Variants in GRIK4 observed in about 807,000 individuals in gnomAD.
The protein encoded by GRIK4 is glutamate receptor ionotropic, kainate 4.
Under a neutral mutation model 104.9 loss-of-function variants are expected in GRIK4, and 40 were observed. The observed-to-expected ratio is 0.38, with a 90% confidence interval of 0.30 to 0.50. GRIK4 has a LOEUF of 0.50. Ranked by LOEUF, GRIK4 falls within the 20% of genes least tolerant of loss-of-function variation. The probability of loss-of-function intolerance (pLI) is 0.93; values close to 1 mark genes in which losing one functional copy is unlikely to be tolerated. For missense variants in GRIK4, 1,047 were observed against 1,308.1 expected (o/e 0.80, Z 3.08); for synonymous variants, 485 against 524.9 (o/e 0.92, Z 1.04).
In GRIK4 at chr11:120,903,643, G is replaced by A. The variant is rs775288223; in HGVS notation, c.1273-1647G>A. Among the ~76,000 whole-genome samples the A allele has an allele frequency of 3.3e-5, 5 of 152,062 alleles. No individual in the cohort carries two copies. Among genetic ancestry groups the A allele is most frequent in the African/African-American group, 7.2e-5 (3 of 41,398 alleles). On this transcript the variant is annotated intron_variant, in intron 12 of 20. Coordinates refer to ENST00000527524, the MANE Select transcript of GRIK4 (RefSeq NM_014619.5). The surrounding 1 kb of genome is among the most constrained non-coding windows in gnomAD (Gnocchi z 4.4). ...GCTGCCCTTCAAGCTGCCCTCCAACGTAGGGAGTCACAGAATCACAGAATT... is the reference window on the plus strand; with the variant it reads ...GCTGCCCTTCAAGCTGCCCTCCAACATAGGGAGTCACAGAATCACAGAATT...
intron 3 of GRIK4, among the ~76,000 whole-genome samples, chr11:120,777,817 A>G (rs1214337690): frequency 6.6e-6 from 1 of 152,046 alleles, no homozygotes; most frequent in Non-Finnish European, 1.5e-5. Flanking sequence ...CGCATCTGTA[A>G]TCCCAGCTAT....
chr11:120,947,200 G>A (rs1267486703), intron 14 of GRIK4, among the ~76,000 whole-genome samples: 1 of 152,106 alleles, frequency 6.6e-6, no homozygotes. Context: ...TCAAGTGTTC[G>A]AGACCAGCCT....
chr11:120,636,484 A>G (rs1949398239), intron 1 of GRIK4, among the ~76,000 whole-genome samples: 1 of 152,176 alleles, frequency 6.6e-6, no homozygotes, highest in African/African-American at 2.4e-5. Context: ...GATATCTAAG[A>G]AGAGCAGTGT....
intron 4 of GRIK4, among the ~76,000 whole-genome samples, chr11:120,813,031 A>T (rs932457262): frequency 1.3e-5 from 2 of 152,186 alleles, no homozygotes; most frequent in Non-Finnish European, 2.9e-5. Flanking sequence ...GCAGAAAGAG[A>T]ACAGGATGAG....
rs1382636983 is a variant in GRIK4, at chr11:120,511,858, G to C, written c.-188G>C. The C allele has an allele frequency of 5.8e-6, 2 of 345,476 alleles. No homozygotes were observed. 21.4% of individuals were successfully genotyped at this position (345,476 alleles called of 1,614,324 possible). The stretch of plus-strand genomic sequence containing the variant: ...CCGGCCCGGCAGCGCCCGGCCCCCG[G>C]CTCAGCCCCCGGAGTGCGGAGCCGA... On this transcript the variant is annotated 5_prime_UTR_variant, in exon 1 of 21. Transcript: ENST00000527524.
intron 1 of GRIK4, among the ~76,000 whole-genome samples, chr11:120,613,451 C>T (rs755320194): frequency 1.7e-4 from 26 of 152,330 alleles, no homozygotes; most frequent in Non-Finnish European, 3.2e-4. Flanking sequence ...AAGAGCTAAT[C>T]CCCTTAATCT....
At chr11:120,824,119 G>A (rs1953194019) in intron 6 of GRIK4, among the ~76,000 whole-genome samples, 2 of 152,212 alleles carry the variant, frequency 1.3e-5, no homozygotes, top group South Asian at 2.1e-4. Context: ...GCATAACGGA[G>A]ATAATTCCAT....
intron 3 of GRIK4, among the ~76,000 whole-genome samples, chr11:120,736,595 G>A (rs1951225928): frequency 6.6e-6 from 1 of 152,148 alleles, no homozygotes; most frequent in Admixed American, 6.5e-5. Context: ...GTAGGATAAA[G>A]CAAATGAATA....
chr11:120,781,417 C>T (rs59456852), intron 3 of GRIK4, among the ~76,000 whole-genome samples: 4,684 of 152,166 alleles, frequency 0.031, 184 homozygotes, highest in African/African-American at 0.085. Context: ...GAGTTGCAAC[C>T]TTGGCTCACT....
At chr11:120,550,271 G>T (rs1287375087) in intron 1 of GRIK4, among the ~76,000 whole-genome samples, 1 of 148,204 alleles carries the variant, frequency 6.7e-6, no homozygotes, top group Non-Finnish European at 1.5e-5. Context: ...AGGAAGAGGT[G>T]GATCAAGGAT....
intron 13 of GRIK4, among the ~76,000 whole-genome samples, chr11:120,930,002 T>TG (rs61317737): frequency 0.058 from 8,645 of 150,224 alleles, 700 homozygotes; most frequent in African/African-American, 0.18. Context: ...AGGCCACGTT[T>TG]GGGGGGGGGG....
intron 1 of GRIK4, among the ~76,000 whole-genome samples, chr11:120,642,969 C>T (rs1385668909): frequency 6.6e-6 from 1 of 152,180 alleles, no homozygotes. Context: ...TACACCCAGC[C>T]TCCACTTGCA....
Position 120,952,474 on chromosome 11 carries a change from C to T in GRIK4, c.1591-381C>T, listed in dbSNP as rs1480582644. The stretch of plus-strand genomic sequence containing the variant: ...GAGTGTCTAAGAGGGATGCTGTGGT[C>T]GAATTCAGCAATGCAGACAGCAGCA... On this transcript the variant is annotated intron_variant, in intron 14 of 20. Coordinates refer to ENST00000527524, the MANE Select transcript of GRIK4 (RefSeq NM_014619.5). This position sits in a 1 kb window ranked among gnomAD's most constrained non-coding sequence, Gnocchi z 5.2. Among the ~76,000 whole-genome samples, 1 of 152,138 alleles carries T rather than the reference C, an allele frequency of 6.6e-6. No homozygotes were observed. The highest frequency in any genetic ancestry group is 1.9e-4 in the East Asian group (1 of 5,188).
chr11:120,964,164 GTA>G (rs1465574594), intron 18 of GRIK4, among the ~76,000 whole-genome samples: 1 of 151,824 alleles, frequency 6.6e-6, no homozygotes, highest in Non-Finnish European at 1.5e-5. Context: ...GCTAATTTTT[GTA>G]TTTTTGGTAG....
At chr11:120,731,172 T>C (rs1026313619) in intron 3 of GRIK4, among the ~76,000 whole-genome samples, 2 of 152,146 alleles carry the variant, frequency 1.3e-5, no homozygotes, top group African/African-American at 4.8e-5. Context: ...TCAGTTTTTC[T>C]CCCTTCAGCA....
At chr11:120,702,524 A>T (rs1950569588) in intron 3 of GRIK4, among the ~76,000 whole-genome samples, 1 of 152,178 alleles carries the variant, frequency 6.6e-6, no homozygotes, top group South Asian at 2.1e-4. Context: ...GTTTGTACAG[A>T]CAGAGAAGAG....
Position 120,625,167 on chromosome 11 carries a change from C to T in GRIK4, c.-158-28518C>T, listed in dbSNP as rs186137303. On this transcript the variant is annotated intron_variant, in intron 1 of 20. Coordinates refer to ENST00000527524, the MANE Select transcript of GRIK4 (RefSeq NM_014619.5). Reference sequence around the variant, plus strand: ...GCATGCACCTGTAGTCCCAGCTACTCGGGAGGCTGAGGCGGGAGAATTGCT... The same window carrying T: ...GCATGCACCTGTAGTCCCAGCTACTTGGGAGGCTGAGGCGGGAGAATTGCT... Among the ~76,000 whole-genome samples, 314 of 152,104 alleles carry T rather than the reference C, an allele frequency of 2.1e-3. 1 individual carries two copies. The highest frequency in any genetic ancestry group is 3.5e-3 in the Non-Finnish European group (236 of 67,994).
intron 3 of GRIK4, among the ~76,000 whole-genome samples, chr11:120,682,393 C>T (rs1950208022): frequency 6.6e-6 from 1 of 152,266 alleles, no homozygotes; most frequent in East Asian, 1.9e-4. Flanking sequence ...AAAGAGGAGA[C>T]ACACTTGCTT....
chr11:120,958,272 C>A (rs957156461), intron 16 of GRIK4, among the ~76,000 whole-genome samples: 1 of 152,272 alleles, frequency 6.6e-6, no homozygotes. Context: ...AGCCATCCTG[C>A]AGGTTGCCCT....
Sources: gnomAD v4.1 joint callset for allele counts (sites outside exome capture counted in the v4.1 genomes callset) on GRCh38, gnomAD v4.1.1 for gene constraint, Gnocchi (gnomAD v3.1) non-coding constraint, MANE v1.5 for transcripts, NCBI Gene and HGNC (gene_info 2026-07-23, HGNC 2026-07-21) for gene names.